The following CPSF3 variants were observed in gnomAD, a reference collection of about 807,000 sequenced individuals.
CPSF3 encodes the protein cleavage and polyadenylation specificity factor subunit 3.
In CPSF3, 57 loss-of-function variants were observed where a neutral mutation model predicts 84.1. The observed-to-expected ratio is 0.68, with a 90% CI of 0.55 to 0.85. The LOEUF is 0.85. Among genes scored for constraint, CPSF3 ranks in the 40% least tolerant of loss-of-function variants. CPSF3 has a pLI of 0.00. For missense variants in CPSF3, 522 were observed against 838.8 expected (o/e 0.62, Z 4.66); for synonymous variants, 275 against 278.1 (o/e 0.99, Z 0.11).
chr2:9,442,621 C>T (rs1301084023), intron 9 of CPSF3, among the ~76,000 whole-genome samples: 10 of 152,056 alleles, frequency 6.6e-5, no homozygotes, highest in East Asian at 1.9e-4. Flanking sequence ...GAGGCCAAGG[C>T]GGGCGGATCA....
chr2:9,463,439 C>T (rs1029644622), intron 15 of CPSF3, among the ~76,000 whole-genome samples: 7 of 152,072 alleles, frequency 4.6e-5, no homozygotes, highest in African/African-American at 1.7e-4. Flanking sequence ...TCTAATAAAG[C>T]CAGCAGTATT....
intron 2 of CPSF3, 75 bp downstream of exon 2, chr2:9,428,903 A>G (rs1680483719): frequency 1.1e-6 from 1 of 883,344 alleles, no homozygotes. Flanking sequence ...CTCATAGACT[A>G]GTTATCTTTT....
chr2:9,465,039 C>T lies in CPSF3; in HGVS notation c.1787-2668C>T, dbSNP rs141541685. The stretch of plus-strand genomic sequence containing the variant: ...TAGTTGTATATACAATTGAAATTCA[C>T]GAATTAAAAAGAATTAGATGAAGTA... On this transcript the variant is annotated intron_variant, in intron 15 of 17. Transcript: ENST00000238112. Among the ~76,000 whole-genome samples, 76 of 152,036 alleles carry T rather than the reference C, an allele frequency of 5.0e-4. 1 individual carries two copies. Among genetic ancestry groups the T allele is most frequent in the African/African-American group, 1.6e-3 (67 of 41,466 alleles).
chr2:9,443,119 C>T (rs1284753315), intron 9 of CPSF3, among the ~76,000 whole-genome samples: 1 of 152,120 alleles, frequency 6.6e-6, no homozygotes, highest in Non-Finnish European at 1.5e-5. Flanking sequence ...GCTGAGATCG[C>T]ACACTGCATT....
chr2:9,435,923 G>A (rs1390712158), intron 6 of CPSF3, among the ~76,000 whole-genome samples: 1 of 151,920 alleles, frequency 6.6e-6, no homozygotes, highest in African/African-American at 2.4e-5. Flanking sequence ...AGTAGAGACA[G>A]GGTTTCACCA....
At chr2:9,434,040 A>C in intron 6 of CPSF3, 80 bp downstream of exon 6, 2 of 803,012 alleles carry the variant, frequency 2.5e-6, no homozygotes, top group Non-Finnish European at 4.1e-6. Flanking sequence ...CTGTGATCTC[A>C]CTTTCATAAT....
chr2:9,466,260 ACACAAAGACGCACG>A (rs70948819), intron 15 of CPSF3, among the ~76,000 whole-genome samples: 42,557 of 118,144 alleles, frequency 0.36, 6,384 homozygotes, highest in Middle Eastern at 0.48. Flanking sequence ...GCACACACGC[ACACAAAGACGCACG>A]CACACACGTG....
chr2:9,466,031 T>C (rs1681895894), intron 15 of CPSF3, among the ~76,000 whole-genome samples: 1 of 152,120 alleles, frequency 6.6e-6, no homozygotes, highest in Non-Finnish European at 1.5e-5. Context: ...ATCACCACAA[T>C]CAACTTTAAA....
At chr2:9,470,547 A>T (rs1453723428) in intron 16 of CPSF3, among the ~76,000 whole-genome samples, 1 of 152,272 alleles carries the variant, frequency 6.6e-6, no homozygotes, top group Non-Finnish European at 1.5e-5. Context: ...GCAATGTCTT[A>T]GTGCCTTCTT....
chr2:9,430,409 C>T (rs1680545275), intron 3 of CPSF3, among the ~76,000 whole-genome samples: 1 of 151,994 alleles, frequency 6.6e-6, no homozygotes, highest in Non-Finnish European at 1.5e-5. Flanking sequence ...AAAAATGTGA[C>T]AAGACAGTGA....
intron 2 of CPSF3, 108 bp from the exon 3 acceptor site, chr2:9,429,815 A>C: frequency 2.9e-6 from 2 of 682,784 alleles, no homozygotes; most frequent in Non-Finnish European, 5.1e-6. Flanking sequence ...TAGTGCCTGG[A>C]GTCCATCTTG....
At position 9,455,700 on chromosome 2, in the gene CPSF3, G is replaced by A; in HGVS notation, c.1546G>A (p.Ala516Thr). 6.2e-7 allele frequency: 1 copy of A among 1,614,072 alleles called. No individual in the cohort carries two copies. Among genetic ancestry groups the A allele is most frequent in the African/African-American group, 1.3e-5 (1 of 75,040 alleles). ...CATGAGCACGGTGAAGCAGACCCAAGCCATTCCATATACTGGTCCCTTTAA... is the reference window on the plus strand; with the variant it reads ...CATGAGCACGGTGAAGCAGACCCAAACCATTCCATATACTGGTCCCTTTAA... ...LAMSTVKQTQ[A>T]IPYTGPFNLL... Residue 516 changes from alanine to threonine, a missense_variant, in exon 13 of 18, where the codon GCC becomes ACC. By Grantham distance (58) the Ala-to-Thr change is moderately conservative. Coordinates refer to ENST00000238112, the MANE Select transcript of CPSF3 (RefSeq NM_016207.4).
intron 11 of CPSF3, among the ~76,000 whole-genome samples, chr2:9,451,398 A>G (rs994107754): frequency 2.0e-5 from 3 of 152,198 alleles, no homozygotes; most frequent in Non-Finnish European, 2.9e-5. Flanking sequence ...TTAAAGGCAA[A>G]CAAGTATGGA....
intron 15 of CPSF3, among the ~76,000 whole-genome samples, chr2:9,464,917 G>T (rs1408454341): frequency 2.0e-5 from 3 of 151,780 alleles, no homozygotes; most frequent in Non-Finnish European, 2.9e-5. Context: ...AATGGAGATG[G>T]GGTCTTGCTA....
chr2:9,444,284 C>G (rs1681055816), intron 10 of CPSF3, among the ~76,000 whole-genome samples: 1 of 151,340 alleles, frequency 6.6e-6, no homozygotes, highest in Non-Finnish European at 1.5e-5. Context: ...CCCACCACCA[C>G]ACCCGGCTAA....
chr2:9,443,446 A>G, intron 9 of CPSF3, 69 bp from the exon 10 acceptor site: 1 of 1,503,068 alleles, frequency 6.7e-7, no homozygotes, highest in Non-Finnish European at 9.0e-7. Flanking sequence ...CTGCATGAAA[A>G]AAATGAAAAT....
At position 9,472,910 on chromosome 2, in the gene CPSF3, T is replaced by G; in HGVS notation, c.1954-6T>G. 6.3e-7 allele frequency: 1 copy of G among 1,584,482 alleles called. No homozygotes were observed. Among genetic ancestry groups the G allele is most frequent in the Non-Finnish European group, 8.7e-7 (1 of 1,153,248 alleles). ...TCTAACAGTCTTGTTTGTGCCTCAC[T>G]TTCAGACTGTAGAATGTGAAGAGGG... On this transcript the variant is annotated splice_polypyrimidine_tract_variant and splice_region_variant and intron_variant, in intron 17 of 17. Transcript: ENST00000238112.
intron 6 of CPSF3, among the ~76,000 whole-genome samples, chr2:9,434,310 A>C (rs1485763165): frequency 6.6e-6 from 1 of 152,090 alleles, no homozygotes; most frequent in Non-Finnish European, 1.5e-5. Context: ...TGGAGGTTGC[A>C]GTGAGCCAAG....
chr2:9,438,280 A>T (rs937604505), intron 7 of CPSF3, among the ~76,000 whole-genome samples: 11 of 152,332 alleles, frequency 7.2e-5, no homozygotes, highest in Admixed American at 7.2e-4. Context: ...CCTCCTTCCT[A>T]ACTGCAAGTC....
Sources: gnomAD v4.1 joint callset for allele counts (sites outside exome capture counted in the v4.1 genomes callset) on GRCh38, gnomAD v4.1.1 for gene constraint, MANE v1.5 for transcripts, NCBI Gene and HGNC (gene_info 2026-07-23, HGNC 2026-07-21) for gene names.